Variants in VGLL4 observed in about 807,000 individuals in gnomAD.
VGLL4 encodes the protein transcription cofactor vestigial-like protein 4.
In VGLL4, 7 loss-of-function variants were observed where a neutral mutation model predicts 21.0. The observed-to-expected ratio is 0.33, with a 90% CI of 0.19 to 0.63. VGLL4 has a LOEUF of 0.63. VGLL4 is among the 20% of genes least tolerant of loss of function. The pLI is 0.78. For synonymous variants in VGLL4, 222 were observed against 173.2 expected, an observed-to-expected ratio of 1.28 and a Z score of -2.21; for missense variants, 394 against 425.7, an observed-to-expected ratio of 0.93 and a Z score of 0.66.
intron 1 of VGLL4, among the ~76,000 whole-genome samples, chr3:11,708,507 G>A (rs1314534955): frequency 1.3e-5 from 2 of 152,172 alleles, no homozygotes; most frequent in Non-Finnish European, 2.9e-5. Flanking sequence ...GGCCTGAGGT[G>A]GGCAGCACAG....
intron 1 of VGLL4, among the ~76,000 whole-genome samples, chr3:11,635,119 T>G (rs915094851): frequency 6.6e-6 from 1 of 152,126 alleles, no homozygotes; most frequent in African/African-American, 2.4e-5. Context: ...TGGAACAAAT[T>G]CAACAGAGTT....
intron 3 of VGLL4, among the ~76,000 whole-genome samples, chr3:11,561,331 G>A (rs2072979018): frequency 6.6e-6 from 1 of 151,862 alleles, no homozygotes; most frequent in African/African-American, 2.4e-5. Context: ...CACTTCAGAA[G>A]AGACTCTCTA....
At chr3:11,682,770 T>C (rs1192884205) in intron 2 of VGLL4, among the ~76,000 whole-genome samples, 3 of 151,946 alleles carry the variant, frequency 2.0e-5, no homozygotes, top group Non-Finnish European at 4.4e-5. Context: ...AAGCAGAGGA[T>C]AGAAGCCAAA....
chr3:11,558,720 C>T lies in VGLL4; in HGVS notation c.727G>A (p.Val243Met). Residue 243 changes from valine (V) to methionine (M), a missense_variant, in exon 5 of 5, where the codon GTG (valine) becomes ATG (methionine). Transcript: ENST00000430365. ...APNSVSITGSVDDHFAKALGD... is the reference protein window; with the variant it reads ...APNSVSITGSMDDHFAKALGD... ...AGAGCTTTGGCAAAGTGGTCGTCCACGGAGCCCGTGATGGACACGGAGTTG... is the reference window on the plus strand; with the variant it reads ...AGAGCTTTGGCAAAGTGGTCGTCCATGGAGCCCGTGATGGACACGGAGTTG... 1.2e-6 allele frequency: 2 copies of T among 1,614,124 alleles called. No homozygotes were observed. The highest frequency in any genetic ancestry group is 1.7e-6 in the Non-Finnish European group (2 of 1,180,028).
At chr3:11,583,829 C>G (rs2074298057) in intron 2 of VGLL4, among the ~76,000 whole-genome samples, 1 of 152,208 alleles carries the variant, frequency 6.6e-6, no homozygotes, top group Admixed American at 6.5e-5. Context: ...GGGCTGACTC[C>G]CCCAAGCATA....
At chr3:11,630,793 T>C (rs999266998) in intron 1 of VGLL4, among the ~76,000 whole-genome samples, 20 of 152,300 alleles carry the variant, frequency 1.3e-4, no homozygotes, top group Admixed American at 9.8e-4. Flanking sequence ...ATCCGGCAAT[T>C]CTACTAAGTA....
intron 2 of VGLL4, among the ~76,000 whole-genome samples, chr3:11,582,955 A>G (rs2074271858): frequency 6.6e-6 from 1 of 152,196 alleles, no homozygotes; most frequent in Admixed American, 6.5e-5. Context: ...TGGAGAAGCA[A>G]AGGTGCCACA....
At chr3:11,673,452 T>G (rs2076245341) in intron 2 of VGLL4, among the ~76,000 whole-genome samples, 1 of 151,848 alleles carries the variant, frequency 6.6e-6, no homozygotes, top group Admixed American at 6.6e-5. Flanking sequence ...GGAAGTAGAC[T>G]AGTCCGGGAG....
chr3:11,582,458 C>A (rs913499872), intron 2 of VGLL4: 7 of 1,268,022 alleles, frequency 5.5e-6, no homozygotes, highest in African/African-American at 1.5e-5. Flanking sequence ...GGCCTGCTTG[C>A]CCCCTGCACT....
intron 1 of VGLL4, chr3:11,604,260 G>GAATTCCACCTTCCAAA (rs1553728893): frequency 1.9e-6 from 1 of 524,468 alleles, no homozygotes; most frequent in African/African-American, 3.0e-5. Context: ...AAGGAGCCCA[G>GAATTCCACCTTCCAAA]GAAGCACGGT....
intron 2 of VGLL4, among the ~76,000 whole-genome samples, chr3:11,696,417 T>C (rs2076607796): frequency 6.6e-6 from 1 of 152,232 alleles, no homozygotes; most frequent in African/African-American, 2.4e-5. Context: ...TGCTGTACCA[T>C]GCCTCAATCG....
intron 2 of VGLL4, among the ~76,000 whole-genome samples, chr3:11,600,780 G>A (rs555397293): frequency 3.8e-4 from 58 of 152,266 alleles, no homozygotes; most frequent in African/African-American, 1.3e-3. Flanking sequence ...ATTCCTGTGG[G>A]GAAAAAGCAG....
chr3:11,665,450 A>G (rs551000153), intron 2 of VGLL4, among the ~76,000 whole-genome samples: 1 of 152,276 alleles, frequency 6.6e-6, no homozygotes, highest in East Asian at 1.9e-4. Flanking sequence ...CCCCATATTG[A>G]AATCCCAACA....
At chr3:11,648,640 A>G (rs1037485789), upstream of VGLL4, among the ~76,000 whole-genome samples, 14 of 152,238 alleles carry the variant, frequency 9.2e-5, no homozygotes, top group African/African-American at 3.4e-4. Flanking sequence ...TGTGTCATAT[A>G]TTACAGTGAA....
rs758005865 is a variant in VGLL4, at chr3:11,601,874, G to A, written c.231C>T (p.Asn77=). 2.6e-5 allele frequency: 42 copies of A among 1,613,544 alleles called. No individual in the cohort carries two copies. Among genetic ancestry groups the A allele is most frequent in the South Asian group, 6.6e-5 (6 of 91,028 alleles). Residue 77 remains asparagine (N), a synonymous_variant, in exon 2 of 5, where the codon AAC becomes AAT. Coordinates refer to ENST00000430365, the MANE Select transcript of VGLL4 (RefSeq NM_001128219.3). ...TGCGACTCATTTTGGAGACGTGGTC[G>A]TTGTCACAGTCTAGGTCCTCGTCAC... ...EPGDEDLDCD[N]DHVSKMSRIF...
At chr3:11,590,179 G>A (rs1157275561) in intron 2 of VGLL4, among the ~76,000 whole-genome samples, 3 of 152,182 alleles carry the variant, frequency 2.0e-5, no homozygotes, top group Non-Finnish European at 2.9e-5. Context: ...GCAGTGGCGA[G>A]GGGTGTCACT....
intron 1 of VGLL4, chr3:11,626,525 G>T: frequency 2.3e-6 from 1 of 428,922 alleles, no homozygotes; most frequent in Non-Finnish European, 4.7e-6. Flanking sequence ...TTGAAAGGCA[G>T]TAATATTTGA....
At chr3:11,594,905 T>A (rs866746733) in intron 2 of VGLL4, among the ~76,000 whole-genome samples, 2 of 152,200 alleles carry the variant, frequency 1.3e-5, no homozygotes, top group Non-Finnish European at 2.9e-5. Context: ...CTCACGCCAG[T>A]AATCCCAGCA....
chr3:11,702,058 C>T lies in VGLL4; in HGVS notation c.64+913G>A, dbSNP rs114607376. ...TTTTTTCTCCCAGTATTTGCTCTTT[C>T]TCAGCAATGCAAACATAATTTTCAT... On this transcript the variant is annotated intron_variant, in intron 2 of 5. Transcript: ENST00000273038. Among the ~76,000 whole-genome samples the T allele has an allele frequency of 2.4e-3, 361 of 152,266 alleles. 1 individual carries two copies. Among genetic ancestry groups the T allele is most frequent in the African/African-American group, 8.1e-3 (336 of 41,546 alleles).
Sources: gnomAD v4.1 joint callset for allele counts (sites outside exome capture counted in the v4.1 genomes callset) on GRCh38, gnomAD v4.1.1 for gene constraint, MANE v1.5 for transcripts, NCBI Gene and HGNC (gene_info 2026-07-23, HGNC 2026-07-21) for gene names.